Variants in FHDC1 observed in about 807,000 individuals in gnomAD.
The protein encoded by FHDC1 is FH2 domain-containing protein 1.
A neutral mutation model predicts 52.6 loss-of-function variants in FHDC1; 25 were observed. The observed-to-expected ratio is 0.48, with a 90% CI of 0.35 to 0.66. FHDC1 has a LOEUF of 0.66. Ranked by LOEUF, FHDC1 falls within the 30% of genes least tolerant of loss-of-function variation. The probability of loss-of-function intolerance (pLI) is 0.01; values close to 1 mark genes in which losing one functional copy is unlikely to be tolerated. For missense variants in FHDC1, 1,459 were observed against 1,452.8 expected (o/e 1.00, Z -0.07); for synonymous variants, 616 against 581.5 (o/e 1.06, Z -0.85).
the FHDC1 span, among the ~76,000 whole-genome samples, chr4:152,921,946 A>C: frequency 6.6e-6 from 1 of 152,198 alleles, no homozygotes; most frequent in Non-Finnish European, 1.5e-5. Flanking sequence ...CAATTAAAAG[A>C]ACTAGAGAAG....
intron 7 of FHDC1, 62 bp downstream of exon 7, chr4:152,962,946 T>C: frequency 8.1e-7 from 1 of 1,234,156 alleles, no homozygotes; most frequent in Non-Finnish European, 1.2e-6. Context: ...TAAAGGTGTG[T>C]GTGTGTGTGT....
chr4:152,960,837 T>C lies in FHDC1; in HGVS notation c.843T>C (p.Ala281=), dbSNP rs754175402. 2 of 1,583,302 alleles carry C rather than the reference T, an allele frequency of 1.3e-6. No homozygotes were observed. Among genetic ancestry groups the C allele is most frequent in the South Asian group, 1.2e-5 (1 of 84,934 alleles). ...LYTDITVLRT[A]IKELMSCEEL... ...CAGATATAACAGTTTTAAGAACTGC[T>C]ATAAAAGGTGAGTCAACATATGATC... Residue 281 remains alanine (A), a synonymous_variant, in exon 6 of 12, where the codon GCT becomes GCC. Coordinates refer to ENST00000511601, the MANE Select transcript of FHDC1 (RefSeq NM_001371116.1).
intron 4 of FHDC1, among the ~76,000 whole-genome samples, chr4:152,958,701 T>C (rs902426469): frequency 1.3e-5 from 2 of 152,230 alleles, no homozygotes; most frequent in African/African-American, 2.4e-5. Flanking sequence ...CCCCTGCCCA[T>C]ATATAGTGAA....
At chr4:152,932,798 G>A (rs1041087345), upstream of FHDC1, among the ~76,000 whole-genome samples, 9 of 152,190 alleles carry the variant, frequency 5.9e-5, no homozygotes, top group African/African-American at 1.9e-4. Context: ...GTTTTACATG[G>A]ATTCTGAAAT....
chr4:152,973,626 G>A (rs940789503), intron 11 of FHDC1, among the ~76,000 whole-genome samples: 4 of 152,234 alleles, frequency 2.6e-5, no homozygotes, highest in African/African-American at 7.2e-5. Context: ...AAGAAGGCCC[G>A]AGAGACTTGG....
chr4:152,964,294 T>C (rs762461629), intron 8 of FHDC1, among the ~76,000 whole-genome samples: 4 of 152,204 alleles, frequency 2.6e-5, no homozygotes. Flanking sequence ...AATTGAAAGG[T>C]TAATTTTCAG....
chr4:152,970,620 T>C (rs1490957552), intron 10 of FHDC1, among the ~76,000 whole-genome samples: 1 of 152,248 alleles, frequency 6.6e-6, no homozygotes, highest in Non-Finnish European at 1.5e-5. Flanking sequence ...TTTCCCCCTG[T>C]GGAAGAATGA....
In FHDC1 at chr4:152,976,225, G is replaced by C; in HGVS notation, c.2934G>C (p.Arg978Ser). The C allele has an allele frequency of 6.2e-7, 1 of 1,613,094 alleles. No homozygotes were observed. The highest frequency in any genetic ancestry group is 8.5e-7 in the Non-Finnish European group (1 of 1,179,904). Residue 978 changes from arginine to serine, a missense_variant, in exon 12 of 12, where the codon AGG (arginine) becomes AGC (serine). Coordinates refer to ENST00000511601, the MANE Select transcript of FHDC1 (RefSeq NM_001371116.1). The part of the protein sequence containing the change: ...RPGRDVPLQP[R>S]GSFKKPSAKP... ...GGAGGGACGTTCCCCTGCAGCCCAGGGGTTCTTTCAAGAAGCCCAGTGCCA... is the reference window on the plus strand; with the variant it reads ...GGAGGGACGTTCCCCTGCAGCCCAGCGGTTCTTTCAAGAAGCCCAGTGCCA...
At position 152,975,292 on chromosome 4, in the gene FHDC1, T is replaced by C. The variant is rs1740821282; in HGVS notation, c.2001T>C (p.Ala667=). The change falls in exon 12 of 12, where the codon GCT becomes GCC. Residue 667 remains alanine (A), a synonymous_variant. Transcript: ENST00000511601. ...SAQSPPLSPL[A]LGIKEHELVT... is the part of the protein sequence containing the mutation. Reference sequence around the variant, plus strand: ...AGTCCCCTCCTCTCTCGCCATTGGCTCTGGGAATTAAGGAGCATGAGCTGG... The same window carrying C: ...AGTCCCCTCCTCTCTCGCCATTGGCCCTGGGAATTAAGGAGCATGAGCTGG... 5.0e-6 allele frequency: 8 copies of C among 1,613,644 alleles called. No homozygotes were observed. Among genetic ancestry groups the C allele is most frequent in the Non-Finnish European group, 6.8e-6 (8 of 1,180,032 alleles).
At chr4:152,941,656 C>T (rs961143482) in intron 1 of FHDC1, among the ~76,000 whole-genome samples, 2 of 152,170 alleles carry the variant, frequency 1.3e-5, no homozygotes, top group African/African-American at 4.8e-5. Context: ...CCCAAGGCAG[C>T]CCTGCCTTTT....
chr4:152,975,224 C>T lies in FHDC1; in HGVS notation c.1933C>T (p.Leu645Phe), dbSNP rs1740815977. The T allele has an allele frequency of 6.2e-7, 1 of 1,613,232 alleles. No homozygotes were observed. Among genetic ancestry groups the T allele is most frequent in the Non-Finnish European group, 8.5e-7 (1 of 1,180,034 alleles). The change falls in exon 12 of 12, where the codon CTC becomes TTC. Residue 645 changes from leucine to phenylalanine, a missense_variant. By Grantham distance (22) the Leu-to-Phe change is conservative. Coordinates refer to ENST00000511601, the MANE Select transcript of FHDC1 (RefSeq NM_001371116.1). Reference protein sequence around the residue: ...PRARRQGVSVLRKRYSEPVSL... With the variant: ...PRARRQGVSVFRKRYSEPVSL... Reference sequence around the variant, plus strand: ...AGCTCGGCGCCAGGGCGTCAGTGTCCTCCGAAAGAGGTACAGTGAGCCGGT... The same window carrying T: ...AGCTCGGCGCCAGGGCGTCAGTGTCTTCCGAAAGAGGTACAGTGAGCCGGT...
In FHDC1 at chr4:152,975,638, C is replaced by T; in HGVS notation, c.2347C>T (p.Leu783=). 2 of 1,613,670 alleles carry T rather than the reference C, an allele frequency of 1.2e-6. No homozygotes were observed. The highest frequency in any genetic ancestry group is 2.7e-5 in the African/African-American group (2 of 75,046). Residue 783 remains leucine (L), a synonymous_variant, in exon 12 of 12, where the codon CTG becomes TTG. Coordinates refer to ENST00000511601, the MANE Select transcript of FHDC1 (RefSeq NM_001371116.1). Reference sequence around the variant, plus strand: ...GGACACCACCGACTGCTCACTGACCCTGGACTGCTCAGAGGGAACCGACTC... The same window carrying T: ...GGACACCACCGACTGCTCACTGACCTTGGACTGCTCAGAGGGAACCGACTC... ...ISDTTDCSLT[L]DCSEGTDSRP...
At chr4:152,917,390 G>T in the FHDC1 span, among the ~76,000 whole-genome samples, 1 of 152,038 alleles carries the variant, frequency 6.6e-6, no homozygotes, top group Non-Finnish European at 1.5e-5. Flanking sequence ...AATATATTTT[G>T]TGAGATGGCC....
intron 4 of FHDC1, among the ~76,000 whole-genome samples, chr4:152,959,023 A>G (rs1318985439): frequency 6.6e-6 from 1 of 152,178 alleles, no homozygotes; most frequent in Non-Finnish European, 1.5e-5. Context: ...ATCTTTGCAA[A>G]TACTCCTTTC....
intron 2 of FHDC1, among the ~76,000 whole-genome samples, chr4:152,952,177 T>A (rs1739946928): frequency 6.6e-6 from 1 of 152,178 alleles, no homozygotes; most frequent in Non-Finnish European, 1.5e-5. Flanking sequence ...TATGTAAACT[T>A]TTTGAATGAA....
intron 3 of FHDC1, 43 bp from the exon 4 acceptor site, chr4:152,954,174 T>A (rs767066981): frequency 6.5e-7 from 1 of 1,546,624 alleles, no homozygotes; most frequent in Non-Finnish European, 8.9e-7. Context: ...CTGTTGGCAC[T>A]CCAGCAAACG....
Position 152,976,229 on chromosome 4 carries a change from T to A in FHDC1, c.2938T>A (p.Ser980Thr). The A allele has an allele frequency of 6.2e-7, 1 of 1,613,080 alleles. No individual in the cohort carries two copies. Among genetic ancestry groups the A allele is most frequent in the Non-Finnish European group, 8.5e-7 (1 of 1,179,892 alleles). Residue 980 changes from serine to threonine, a missense_variant, in exon 12 of 12, where the codon TCT becomes ACT. Physicochemically the swap from Ser to Thr is moderately conservative, Grantham distance 58 (BLOSUM62 1). Around this residue, in one of 3 missense-constraint regions of FHDC1, gnomAD observed 939 missense variants for 854.5 expected, o/e 1.10. Transcript: ENST00000511601. ...GRDVPLQPRG[S>T]FKKPSAKPLR... is the part of the protein sequence containing the mutation. ...GGACGTTCCCCTGCAGCCCAGGGGT[T>A]CTTTCAAGAAGCCCAGTGCCAAACC...
At chr4:152,949,493 AAATAAAAAGTTATG>A (rs368939990) in intron 2 of FHDC1, among the ~76,000 whole-genome samples, 173 of 152,322 alleles carry the variant, frequency 1.1e-3, no homozygotes, top group African/African-American at 3.9e-3. Flanking sequence ...AAAAATAAAT[AAATAAAAAGTTATG>A]ATGGCAATTG....
chr4:152,953,678 A>G (rs1739995016), intron 3 of FHDC1, 118 bp downstream of exon 3: 1 of 828,044 alleles, frequency 1.2e-6, no homozygotes, highest in Admixed American at 2.1e-5. Flanking sequence ...TCTTAGACGC[A>G]TGGCTTGATG....
Sources: gnomAD v4.1 joint callset for allele counts (sites outside exome capture counted in the v4.1 genomes callset) on GRCh38, gnomAD v4.1.1 for gene constraint, gnomAD v4.1.1 regional missense constraint, MANE v1.5 for transcripts, NCBI Gene and HGNC (gene_info 2026-07-23, HGNC 2026-07-21) for gene names.